ZFHX3: variants seen among roughly 807,000 people sequenced by gnomAD.
ZFHX3 encodes zinc finger homeobox 3, also known as zinc finger homeobox protein 3.
Under a neutral mutation model 279.1 loss-of-function variants are expected in ZFHX3, and 42 were observed. The ratio of observed to expected loss-of-function variants is 0.15; its 90% confidence interval spans 0.12 to 0.19. The LOEUF (loss-of-function observed/expected upper bound fraction) is 0.19. Ranked by LOEUF, ZFHX3 falls within the 10% of genes least tolerant of loss-of-function variation. The pLI is 1.00. For synonymous variants in ZFHX3, 2,293 were observed against 1,957.8 expected (o/e 1.17, Z -4.52); for missense variants, 4,981 against 4,754.0 (o/e 1.05, Z -1.40).
chr16:73,162,975 C>G (rs759650138), intron 5 of ZFHX3, among the ~76,000 whole-genome samples: 1 of 152,192 alleles, frequency 6.6e-6, no homozygotes, highest in Non-Finnish European at 1.5e-5. Flanking sequence ...ATCCACGGAG[C>G]TCAGATTCCA....
chr16:73,447,940 G>A (rs1198646728), intron 3 of ZFHX3, among the ~76,000 whole-genome samples: 3 of 152,224 alleles, frequency 2.0e-5, no homozygotes, highest in Non-Finnish European at 4.4e-5. Context: ...AGGAGTTGAT[G>A]TGAGGTAAAG....
At chr16:73,043,681 CT>C (rs1965197024) in intron 1 of ZFHX3, among the ~76,000 whole-genome samples, 2 of 152,214 alleles carry the variant, frequency 1.3e-5, no homozygotes, top group South Asian at 4.1e-4. Context: ...AGTCGTTTCC[CT>C]ACTTCTGAAG....
At chr16:73,205,367 G>A (rs1020903559) in intron 5 of ZFHX3, among the ~76,000 whole-genome samples, 1 of 152,126 alleles carries the variant, frequency 6.6e-6, no homozygotes, top group Non-Finnish European at 1.5e-5. Context: ...TTCTGATGGC[G>A]CAACACAAGA....
chr16:73,687,925 C>T (rs1239537422), intron 1 of ZFHX3, among the ~76,000 whole-genome samples: 1 of 151,148 alleles, frequency 6.6e-6, no homozygotes, highest in Non-Finnish European at 1.5e-5. Flanking sequence ...CCAAAATTTC[C>T]ATAATACTTG....
At chr16:73,811,390 G>C (rs1444843713) in intron 1 of ZFHX3, among the ~76,000 whole-genome samples, 1 of 151,382 alleles carries the variant, frequency 6.6e-6, no homozygotes, top group African/African-American at 2.4e-5. Context: ...ATAGTGAATG[G>C]CTAATACCCA....
chr16:73,648,971 C>A (rs1481296935), intron 2 of ZFHX3, among the ~76,000 whole-genome samples: 1 of 152,060 alleles, frequency 6.6e-6, no homozygotes, highest in Non-Finnish European at 1.5e-5. Flanking sequence ...TTAAAAAGTC[C>A]TCTAGATGCA....
chr16:73,184,074 G>A (rs991912322), intron 5 of ZFHX3, among the ~76,000 whole-genome samples: 1 of 152,060 alleles, frequency 6.6e-6, no homozygotes, highest in Admixed American at 6.6e-5. Flanking sequence ...AGCACCCCAG[G>A]CTTTTGGTCT....
intron 3 of ZFHX3, among the ~76,000 whole-genome samples, chr16:73,340,459 C>T (rs2016009766): frequency 6.6e-6 from 1 of 152,202 alleles, no homozygotes; most frequent in Non-Finnish European, 1.5e-5. Flanking sequence ...TGGGCTCAAG[C>T]AATCCTCCCA....
chr16:73,391,032 G>A (rs2017002175), intron 3 of ZFHX3, among the ~76,000 whole-genome samples: 1 of 151,922 alleles, frequency 6.6e-6, no homozygotes, highest in Admixed American at 6.6e-5. Context: ...TGCCATGAGG[G>A]ACAGTGAGTC....
At chr16:72,824,318 A>T (rs774249747) in intron 5 of ZFHX3, among the ~76,000 whole-genome samples, 3 of 152,198 alleles carry the variant, frequency 2.0e-5, no homozygotes, top group Non-Finnish European at 2.9e-5. Flanking sequence ...CTTTAATAGC[A>T]ATCTTCTATA....
chr16:73,021,418 A>G (rs550528179), intron 1 of ZFHX3, among the ~76,000 whole-genome samples: 1 of 152,218 alleles, frequency 6.6e-6, no homozygotes, highest in Non-Finnish European at 1.5e-5. Context: ...CAGATCGAAT[A>G]GCATCCCTCC....
At chr16:73,578,833 C>A (rs1424096635) in intron 2 of ZFHX3, among the ~76,000 whole-genome samples, 2 of 152,210 alleles carry the variant, frequency 1.3e-5, no homozygotes, top group Admixed American at 1.3e-4. Flanking sequence ...TTGCTTCACT[C>A]TTTGCTTTAT....
chr16:73,283,135 G>A (rs932706916), intron 4 of ZFHX3, among the ~76,000 whole-genome samples: 2 of 152,190 alleles, frequency 1.3e-5, no homozygotes, highest in African/African-American at 4.8e-5. Flanking sequence ...CCACGTAAAA[G>A]CAGCCACAGA....
chr16:72,895,717 G>A (rs1185353740), intron 3 of ZFHX3, among the ~76,000 whole-genome samples: 1 of 152,194 alleles, frequency 6.6e-6, no homozygotes, highest in African/African-American at 2.4e-5. Context: ...TTAACTACTT[G>A]GGAGGCTGAG....
At chr16:73,072,444 CAAA>C (rs71156138) in intron 8 of ZFHX3, among the ~76,000 whole-genome samples, 24 of 97,744 alleles carry the variant, frequency 2.5e-4, no homozygotes, top group Admixed American at 3.0e-4. Context: ...AACTCCGTCT[CAAA>C]AAAAAAAAAA....
At chr16:73,131,332 A>G (rs1966675796) in intron 6 of ZFHX3, among the ~76,000 whole-genome samples, 3 of 152,232 alleles carry the variant, frequency 2.0e-5, no homozygotes, top group African/African-American at 7.2e-5. Flanking sequence ...AGAGTGCTTT[A>G]TGTACATGAC....
intron 2 of ZFHX3, among the ~76,000 whole-genome samples, chr16:73,490,332 G>A (rs1435631673): frequency 1.3e-5 from 2 of 152,210 alleles, no homozygotes; most frequent in African/African-American, 4.8e-5. Flanking sequence ...AGGCAGGTTT[G>A]TGAACTTTTG....
At position 73,156,976 on chromosome 16, in the gene ZFHX3, TGCTTGG is replaced by T. The variant is rs549919425; in HGVS notation, c.-1103-13151_-1103-13146del. On this transcript the variant is annotated intron_variant, in intron 5 of 17. Transcript: ENST00000641206. ...ATCTGCCCACCTCGGCCTCCCAAAG[TGCTTGG>T]ATTGCAGGCGTGAGCCACCGTGCCC... 9.0e-4 allele frequency among the ~76,000 whole-genome samples: 137 copies of T among 152,310 alleles called. 1 individual carries two copies. In the South Asian group the frequency reaches 0.028, roughly 31 times the overall value.
At chr16:73,566,558 G>A (rs1485887047) in intron 2 of ZFHX3, among the ~76,000 whole-genome samples, 1 of 152,072 alleles carries the variant, frequency 6.6e-6, no homozygotes, top group Admixed American at 6.6e-5. Flanking sequence ...CTGCTTTTAT[G>A]TGGTTTTCCC....
Sources: allele counts gnomAD v4.1 joint callset (sites outside exome capture counted in the v4.1 genomes callset), GRCh38; gene constraint gnomAD v4.1.1; transcripts MANE v1.5; gene names NCBI Gene and HGNC (gene_info 2026-07-23, HGNC 2026-07-21).